Variants in ASTN2 observed in about 807,000 individuals in gnomAD.
ASTN2 encodes the protein astrotactin 2.
A neutral mutation model predicts 139.8 loss-of-function variants in ASTN2; 54 were observed. The observed-to-expected ratio is 0.39, with a 90% CI of 0.31 to 0.48. The LOEUF (loss-of-function observed/expected upper bound fraction) is 0.48, where lower values mean the gene tolerates loss of function less well. Among genes scored for constraint, ASTN2 ranks in the 20% least tolerant of loss-of-function variants. The probability of loss-of-function intolerance (pLI) is 0.95; values close to 1 mark genes in which losing one functional copy is unlikely to be tolerated. For synonymous variants in ASTN2, 756 were observed against 719.5 expected (o/e 1.05, Z -0.81); for missense variants, 1,565 against 1,725.1 (o/e 0.91, Z 1.64).
chr9:116,502,141 A>ATGTGTG lies in ASTN2; in HGVS notation c.3356-14647_3356-14642dup, dbSNP rs35212715. 5.3e-3 allele frequency among the ~76,000 whole-genome samples: 796 copies of ATGTGTG among 150,782 alleles called. 2 individuals carry two copies. Among genetic ancestry groups the ATGTGTG allele is most frequent in the African/African-American group, 0.012 (486 of 41,180 alleles). On this transcript the variant is annotated intron_variant, in intron 19 of 22. Coordinates refer to ENST00000313400, the MANE Select transcript of ASTN2 (RefSeq NM_001365068.1). Reference sequence around the variant, plus strand: ...GTGGCAGAGAGAGGTAGATTTCCAAATGTGTGTGTGTGTGTGTATGTGTAT... The same window carrying ATGTGTG: ...GTGGCAGAGAGAGGTAGATTTCCAAATGTGTGTGTGTGTGTGTGTGTGTATGTGTAT...
intron 19 of ASTN2, among the ~76,000 whole-genome samples, chr9:116,592,115 C>T (rs935616874): frequency 2.0e-5 from 3 of 152,114 alleles, no homozygotes; most frequent in East Asian, 1.9e-4. Flanking sequence ...CTCTAGATTA[C>T]TTATAAAACC....
intron 7 of ASTN2, among the ~76,000 whole-genome samples, chr9:116,987,436 C>G (rs910368302): frequency 3.9e-5 from 6 of 152,176 alleles, no homozygotes; most frequent in African/African-American, 1.4e-4. Context: ...CCAGGGCAAC[C>G]CTTTCCACTG....
At chr9:116,446,285 A>AGAGAGAGAGAGAGAGAGG (rs1564282708) in intron 20 of ASTN2, among the ~76,000 whole-genome samples, 5 of 150,022 alleles carry the variant, frequency 3.3e-5, no homozygotes, top group Non-Finnish European at 5.9e-5. Context: ...AGAGAGAGAG[A>AGAGAGAGAGAGAGAGAGG]GAGAGAGAGA....
chr9:117,001,090 A>G (rs1179752372), intron 7 of ASTN2, among the ~76,000 whole-genome samples: 1 of 152,156 alleles, frequency 6.6e-6, no homozygotes, highest in African/African-American at 2.4e-5. Context: ...GCACCAAGAC[A>G]ATTATATATA....
At chr9:116,519,368 G>C (rs1449199974) in intron 19 of ASTN2, among the ~76,000 whole-genome samples, 1 of 151,846 alleles carries the variant, frequency 6.6e-6, no homozygotes, top group African/African-American at 2.4e-5. Flanking sequence ...TCAAAACCAT[G>C]CAAATACATG....
At chr9:117,274,798 G>A (rs1367139501) in intron 2 of ASTN2, among the ~76,000 whole-genome samples, 2 of 152,154 alleles carry the variant, frequency 1.3e-5, no homozygotes, top group African/African-American at 4.8e-5. Context: ...TTCAAAAGGG[G>A]TGGGCCTTTC....
At chr9:116,980,522 C>T (rs896505084) in intron 7 of ASTN2, among the ~76,000 whole-genome samples, 1 of 152,164 alleles carries the variant, frequency 6.6e-6, no homozygotes, top group East Asian at 1.9e-4. Flanking sequence ...ACACAAATTA[C>T]CTCCTTTTGG....
At chr9:116,489,489 A>T (rs1217318645) in intron 19 of ASTN2, among the ~76,000 whole-genome samples, 1 of 152,056 alleles carries the variant, frequency 6.6e-6, no homozygotes, top group African/African-American at 2.4e-5. Context: ...GGCATGCACC[A>T]CCACACCCAG....
chr9:116,904,385 T>C lies in ASTN2; in HGVS notation c.1890-40652A>G, dbSNP rs566696842. ...TGAGGTGGCAGGTGGGACCGCAGAA[T>C]GACACTCACAGTCTGGTCAGGCTGT... On this transcript the variant is annotated intron_variant, in intron 10 of 22. Transcript: ENST00000313400. 3.9e-5 allele frequency among the ~76,000 whole-genome samples: 6 copies of C among 152,278 alleles called. No homozygotes were observed. The South Asian group carries it at 6.2e-4, about 16-fold the overall frequency.
At chr9:117,083,091 C>A (rs1169435255) in intron 5 of ASTN2, among the ~76,000 whole-genome samples, 3 of 151,918 alleles carry the variant, frequency 2.0e-5, no homozygotes, top group African/African-American at 7.2e-5. Context: ...TTCCCTTTTT[C>A]CTCTGGCATG....
intron 13 of ASTN2, among the ~76,000 whole-genome samples, chr9:116,770,222 G>T (rs996684244): frequency 9.2e-5 from 14 of 152,078 alleles, no homozygotes; most frequent in Non-Finnish European, 1.6e-4. Context: ...GATGGGGGTT[G>T]GTGCCCATTT....
chr9:117,218,613 T>C (rs559993528), intron 2 of ASTN2, among the ~76,000 whole-genome samples: 24 of 152,168 alleles, frequency 1.6e-4, no homozygotes, highest in Non-Finnish European at 3.1e-4. Flanking sequence ...GTGGAATACA[T>C]AAAATTGGAC....
chr9:117,257,144 T>C (rs1311015865), intron 2 of ASTN2, among the ~76,000 whole-genome samples: 1 of 152,216 alleles, frequency 6.6e-6, no homozygotes, highest in African/African-American at 2.4e-5. Flanking sequence ...CCTTACTTTC[T>C]CTATTTTGTT....
In ASTN2 at chr9:116,919,639, CA is replaced by C. The variant is rs1420473689; in HGVS notation, c.1889+55568del. On this transcript the variant is annotated intron_variant, in intron 10 of 22. Transcript: ENST00000313400. ...TTGTGTCAATTGTTTACAAAAACAT[CA>C]TTTTTTTTTTTTTTTTTTTTTTTAG... Among the ~76,000 whole-genome samples, 456 of 126,064 alleles carry C rather than the reference CA, an allele frequency of 3.6e-3. 4 individuals carry two copies. Among genetic ancestry groups the C allele is most frequent in the African/African-American group, 0.014 (424 of 29,920 alleles). 82.7% of individuals were successfully genotyped at this position (126,064 alleles called of 152,430 possible). A position where few individuals can be genotyped will look rare whatever the true frequency, so the allele number is the denominator to read the frequency against.
At chr9:116,896,788 C>G (rs534687731) in intron 10 of ASTN2, among the ~76,000 whole-genome samples, 4 of 152,254 alleles carry the variant, frequency 2.6e-5, no homozygotes, top group East Asian at 1.9e-4. Flanking sequence ...ACCATTAGAT[C>G]TCATGAGAAC....
intron 10 of ASTN2, among the ~76,000 whole-genome samples, chr9:116,954,140 T>C (rs1268436202): frequency 6.6e-6 from 1 of 152,198 alleles, no homozygotes; most frequent in East Asian, 1.9e-4. Context: ...TTTATTTCAT[T>C]TCTGAAAACA....
At chr9:117,217,039 G>C (rs1050047894) in intron 2 of ASTN2, among the ~76,000 whole-genome samples, 2 of 152,176 alleles carry the variant, frequency 1.3e-5, no homozygotes, top group East Asian at 1.9e-4. Context: ...CCAGGAAGTG[G>C]TGGAGCTGTG....
At chr9:116,895,463 G>A (rs2132395419) in intron 10 of ASTN2, among the ~76,000 whole-genome samples, 1 of 152,314 alleles carries the variant, frequency 6.6e-6, no homozygotes, top group East Asian at 1.9e-4. Flanking sequence ...CCAAAGGGAT[G>A]CTCTGTATCT....
chr9:117,231,199 T>C (rs1029820517), intron 2 of ASTN2, among the ~76,000 whole-genome samples: 1 of 152,188 alleles, frequency 6.6e-6, no homozygotes, highest in Non-Finnish European at 1.5e-5. Context: ...TAGGATTACA[T>C]GCATCACTCT....
Sources: gnomAD v4.1 joint callset for allele counts (sites outside exome capture counted in the v4.1 genomes callset) on GRCh38, gnomAD v4.1.1 for gene constraint, MANE v1.5 for transcripts, NCBI Gene and HGNC (gene_info 2026-07-23, HGNC 2026-07-21) for gene names.